The following RERE variants were observed in gnomAD, a reference collection of about 807,000 sequenced individuals.
The protein encoded by RERE is arginine-glutamic acid dipeptide repeats.
A neutral mutation model predicts 146.1 loss-of-function variants in RERE; 40 were observed. The observed-to-expected ratio is 0.27, with a 90% CI of 0.21 to 0.36. RERE has a LOEUF of 0.36. RERE is among the 10% of genes least tolerant of loss of function. RERE has a pLI of 1.00. For synonymous variants in RERE, 1,003 were observed against 866.0 expected, an observed-to-expected ratio of 1.16 and a Z score of -2.78; for missense variants, 1,933 against 2,138.7, an observed-to-expected ratio of 0.90 and a Z score of 1.90.
chr1:8,542,589 A>T (rs1645812271), intron 6 of RERE, among the ~76,000 whole-genome samples: 1 of 152,182 alleles, frequency 6.6e-6, no homozygotes, highest in South Asian at 2.1e-4. Flanking sequence ...TTGGGAGGCT[A>T]CGACAGGAGG....
intron 7 of RERE, among the ~76,000 whole-genome samples, chr1:8,535,330 AG>A (rs1232366822): frequency 2.0e-5 from 3 of 152,202 alleles, no homozygotes; most frequent in Admixed American, 2.0e-4. Flanking sequence ...GGTTTTTATT[AG>A]GAACACCGGC....
At chr1:8,725,930 A>G (rs1639954270) in intron 1 of RERE, among the ~76,000 whole-genome samples, 1 of 150,372 alleles carries the variant, frequency 6.7e-6, no homozygotes, top group South Asian at 2.1e-4. Flanking sequence ...TTTGTTTTAA[A>G]AAGTTGTTTA....
At chr1:8,447,712 C>T (rs997210771) in intron 11 of RERE, among the ~76,000 whole-genome samples, 3 of 152,292 alleles carry the variant, frequency 2.0e-5, no homozygotes, top group Middle Eastern at 3.4e-3. Flanking sequence ...TCTGAGGTTT[C>T]GTTTCAGCTC....
chr1:8,437,052 T>G lies in RERE; in HGVS notation c.1204-14245A>C, dbSNP rs547711353. The stretch of plus-strand genomic sequence containing the variant: ...GAATCATGGGCAACGATATCATAAA[T>G]TCCTAAAATAAAACCACATAGGGCC... On this transcript the variant is annotated intron_variant, in intron 11 of 22. Transcript: ENST00000400908. Among the ~76,000 whole-genome samples, 424 of 152,330 alleles carry G rather than the reference T, an allele frequency of 2.8e-3. 1 individual carries two copies. Among genetic ancestry groups the G allele is most frequent in the Admixed American group, 5.2e-3 (79 of 15,298 alleles).
At chr1:8,413,525 G>A (rs1357552077) in intron 12 of RERE, among the ~76,000 whole-genome samples, 1 of 151,492 alleles carries the variant, frequency 6.6e-6, no homozygotes, top group African/African-American at 2.4e-5. Flanking sequence ...TGTATTTTTT[G>A]TAGAGATGGG....
At chr1:8,584,687 T>G (rs1469666856) in intron 4 of RERE, among the ~76,000 whole-genome samples, 1 of 152,184 alleles carries the variant, frequency 6.6e-6, no homozygotes, top group Non-Finnish European at 1.5e-5. Context: ...AAGACTATAG[T>G]GTGTAATCTA....
chr1:8,815,494 TAA>T (rs1260311470), intron 1 of RERE, among the ~76,000 whole-genome samples: 1 of 151,850 alleles, frequency 6.6e-6, no homozygotes, highest in Non-Finnish European at 1.5e-5. Flanking sequence ...CCACAACATA[TAA>T]AGAGGGATTT....
At chr1:8,394,830 C>T (rs559912389) in intron 12 of RERE, among the ~76,000 whole-genome samples, 18 of 152,230 alleles carry the variant, frequency 1.2e-4, no homozygotes, top group Admixed American at 3.9e-4. Flanking sequence ...GAAGCACTTA[C>T]CACAGTTACA....
At chr1:8,715,508 T>C (rs1037865372) in intron 1 of RERE, among the ~76,000 whole-genome samples, 1 of 151,892 alleles carries the variant, frequency 6.6e-6, no homozygotes, top group Non-Finnish European at 1.5e-5. Flanking sequence ...CGAAACTCCG[T>C]CTTAATAATA....
chr1:8,795,330 T>A lies in RERE; in HGVS notation c.-145+21830A>T, dbSNP rs550947447. Among the ~76,000 whole-genome samples, 45 of 147,712 alleles carry A rather than the reference T, an allele frequency of 3.0e-4. No individual in the cohort carries two copies. The South Asian group carries it at 4.5e-3, about 15-fold the overall frequency. On this transcript the variant is annotated intron_variant, in intron 1 of 22. Coordinates refer to ENST00000400908, the MANE Select transcript of RERE (RefSeq NM_001042681.2). ...TAAGCCACCGCCCCCGGCCCCCCACTTTTTTTTTTCTTTTTAGGAGACAAA... is the reference window on the plus strand; with the variant it reads ...TAAGCCACCGCCCCCGGCCCCCCACATTTTTTTTTCTTTTTAGGAGACAAA...
intron 4 of RERE, among the ~76,000 whole-genome samples, chr1:8,592,124 A>G (rs1033957603): frequency 5.9e-5 from 9 of 152,180 alleles, no homozygotes; most frequent in African/African-American, 2.2e-4. Context: ...ATACAACTGA[A>G]AACATCAACA....
At chr1:8,577,304 C>T (rs1444415222) in intron 4 of RERE, among the ~76,000 whole-genome samples, 1 of 151,898 alleles carries the variant, frequency 6.6e-6, no homozygotes, top group African/African-American at 2.4e-5. Context: ...GGCCTTTGCT[C>T]TCTCTCTCTC....
chr1:8,554,450 G>T (rs1248299189), intron 6 of RERE, among the ~76,000 whole-genome samples: 6 of 151,996 alleles, frequency 3.9e-5, no homozygotes, highest in Admixed American at 1.3e-4. Context: ...ACTTTGGGAG[G>T]TCAAAGTGGG....
intron 1 of RERE, chr1:8,792,737 A>G (rs1244911590): frequency 6.6e-6 from 1 of 152,238 alleles, no homozygotes; most frequent in Non-Finnish European, 1.5e-5. Flanking sequence ...TTGGTGCTTT[A>G]GCAACATTCA....
At chr1:8,587,997 T>A (rs1176093787) in intron 4 of RERE, among the ~76,000 whole-genome samples, 1 of 152,140 alleles carries the variant, frequency 6.6e-6, no homozygotes, top group Non-Finnish European at 1.5e-5. Flanking sequence ...AGATGCCGTA[T>A]CTTACTCATA....
chr1:8,726,193 C>G (rs1266511658), intron 1 of RERE, among the ~76,000 whole-genome samples: 1 of 119,538 alleles, frequency 8.4e-6, no homozygotes, highest in African/African-American at 3.3e-5. Flanking sequence ...CTTGCTCTAT[C>G]GCCCAGGCTG....
chr1:8,521,235 G>C (rs933872402), intron 7 of RERE, among the ~76,000 whole-genome samples: 1 of 147,826 alleles, frequency 6.8e-6, no homozygotes, highest in Non-Finnish European at 1.5e-5. Context: ...CACTCAAAGA[G>C]AGTAAGAAGA....
chr1:8,436,986 T>C lies in RERE; in HGVS notation c.1204-14179A>G, dbSNP rs115491442. Among the ~76,000 whole-genome samples, 1,006 of 152,286 alleles carry C rather than the reference T, an allele frequency of 6.6e-3. 10 individuals are homozygous for C. The highest frequency in any genetic ancestry group is 0.023 in the African/African-American group (955 of 41,558). ...TAAAATACTGAAACATCCAAAGCAC[T>C]CCAAGTTTTCTATTAGGGAGGCAAA... On this transcript the variant is annotated intron_variant, in intron 11 of 22. Transcript: ENST00000400908.
intron 12 of RERE, among the ~76,000 whole-genome samples, chr1:8,394,557 C>T (rs919499479): frequency 1.4e-4 from 21 of 152,136 alleles, no homozygotes; most frequent in African/African-American, 4.3e-4. Flanking sequence ...CACACATTTC[C>T]GTTTTCCAGT....
Sources: gnomAD v4.1 joint callset for allele counts (sites outside exome capture counted in the v4.1 genomes callset) on GRCh38, gnomAD v4.1.1 for gene constraint, MANE v1.5 for transcripts, NCBI Gene and HGNC (gene_info 2026-07-23, HGNC 2026-07-21) for gene names.